ALDH9A1: variants seen among roughly 807,000 people sequenced by gnomAD.
The protein encoded by ALDH9A1 is aldehyde dehydrogenase 9 family member A1.
A neutral mutation model predicts 56.6 loss-of-function variants in ALDH9A1; 42 were observed. The ratio of observed to expected loss-of-function variants is 0.74; its 90% confidence interval spans 0.58 to 0.96. ALDH9A1 has a LOEUF of 0.96. Among genes scored for constraint, ALDH9A1 ranks in the 40% least tolerant of loss-of-function variants. The probability of loss-of-function intolerance (pLI) is 0.00; values close to 1 mark genes in which losing one functional copy is unlikely to be tolerated. For synonymous variants in ALDH9A1, 242 were observed against 236.0 expected, an observed-to-expected ratio of 1.03 and a Z score of -0.23; for missense variants, 661 against 651.5, an observed-to-expected ratio of 1.01 and a Z score of -0.16.
intron 2 of ALDH9A1, among the ~76,000 whole-genome samples, chr1:165,693,915 G>A (rs1470216743): frequency 1.3e-5 from 2 of 152,096 alleles, no homozygotes; most frequent in African/African-American, 4.8e-5. Flanking sequence ...GTCCTTTGCA[G>A]GGACATGGAT....
At chr1:165,664,046 C>T (rs775798250) in intron 10 of ALDH9A1, among the ~76,000 whole-genome samples, 35 of 152,174 alleles carry the variant, frequency 2.3e-4, no homozygotes, top group Non-Finnish European at 4.8e-4. Flanking sequence ...AGAAACTTAA[C>T]ATGTAATGTT....
At chr1:165,677,069 A>T (rs922335453) in intron 6 of ALDH9A1, among the ~76,000 whole-genome samples, 1 of 152,118 alleles carries the variant, frequency 6.6e-6, no homozygotes, top group Non-Finnish European at 1.5e-5. Context: ...CATAAAAAAA[A>T]GTTTACAAAA....
rs1233650403 is a variant in ALDH9A1, at chr1:165,663,048, T to C, written c.*2A>G. ...CATGTCAATAGGTTTCACTGCAGGTTTTCAAAAAGCAGATTCCACATCACC... is the reference window on the plus strand; with the variant it reads ...CATGTCAATAGGTTTCACTGCAGGTCTTCAAAAAGCAGATTCCACATCACC... On this transcript the variant is annotated 3_prime_UTR_variant, in exon 11 of 11. Transcript: ENST00000354775. 1 of 1,613,778 alleles carries C rather than the reference T, an allele frequency of 6.2e-7. No individual in the cohort carries two copies. Among genetic ancestry groups the C allele is most frequent in the Non-Finnish European group, 8.5e-7 (1 of 1,179,722 alleles).
At position 165,698,369 on chromosome 1, in the gene ALDH9A1, T is replaced by G. The variant is rs758534143; in HGVS notation, c.181+9A>C. 15 of 1,586,900 alleles carry G rather than the reference T, an allele frequency of 9.5e-6. No individual in the cohort carries two copies. In the Admixed American group the frequency reaches 2.1e-4, roughly 22 times the overall value. ...GGGCGCCCCAGCCTCCCCGGCTCGT[T>G]GCAGTTACCGGTTGCTGGCTCGAAA... On this transcript the variant is annotated intron_variant, in intron 1 of 10. Transcript: ENST00000354775.
At chr1:165,675,853 T>C (rs1457464162) in intron 6 of ALDH9A1, among the ~76,000 whole-genome samples, 1 of 152,170 alleles carries the variant, frequency 6.6e-6, no homozygotes, top group African/African-American at 2.4e-5. Context: ...TAAAAACAAC[T>C]GTAAAAAAAT....
intron 6 of ALDH9A1, among the ~76,000 whole-genome samples, chr1:165,673,840 G>C (rs1333974827): frequency 2.0e-5 from 3 of 152,106 alleles, no homozygotes; most frequent in East Asian, 1.9e-4. Context: ...GTTTGAACTA[G>C]AGCAACTTCA....
chr1:165,663,362 G>A (rs150122441), intron 10 of ALDH9A1, among the ~76,000 whole-genome samples: 2 of 152,314 alleles, frequency 1.3e-5, no homozygotes, highest in African/African-American at 4.8e-5. Flanking sequence ...GAAATATACA[G>A]ATCTTGTTTC....
intron 1 of ALDH9A1, among the ~76,000 whole-genome samples, chr1:165,696,968 C>A (rs1477588664): frequency 6.6e-6 from 1 of 152,210 alleles, no homozygotes; most frequent in Non-Finnish European, 1.5e-5. Flanking sequence ...AGTCACTGCT[C>A]TGTGGTTTAG....
rs147635915 is a variant in ALDH9A1, at chr1:165,679,522, G to A, written c.850C>T (p.Pro284Ser). 6 of 1,614,144 alleles carry A rather than the reference G, an allele frequency of 3.7e-6. No homozygotes were observed. The highest frequency in any genetic ancestry group is 5.1e-6 in the Non-Finnish European group (6 of 1,180,024). Reference protein sequence around the residue: ...PVTLELGGKSPLIIFSDCDMN... With the variant: ...PVTLELGGKSSLIIFSDCDMN... ...TCACAGTCTGAGAAGATGATGAGTG[G>A]AGATTTGCCTCCAAGTTCCAAGGTA... Residue 284 changes from proline to serine, a missense_variant, in exon 6 of 11, where the codon CCA (proline) becomes TCA (serine). Coordinates refer to ENST00000354775, the MANE Select transcript of ALDH9A1 (RefSeq NM_000696.4).
chr1:165,698,113 G>C, intron 1 of ALDH9A1: 1 of 799,846 alleles, frequency 1.3e-6, no homozygotes, highest in Non-Finnish European at 1.7e-6. Context: ...CCAGTACTTT[G>C]CGAACTCTGT....
At chr1:165,671,231 CT>C in intron 6 of ALDH9A1, 1 of 209,678 alleles carries the variant, frequency 4.8e-6, no homozygotes, top group Non-Finnish European at 9.9e-6. Context: ...AAGAATGTTC[CT>C]TTTGCTGCCT....
intron 10 of ALDH9A1, among the ~76,000 whole-genome samples, chr1:165,664,183 G>A (rs1648933976): frequency 6.6e-6 from 1 of 152,026 alleles, no homozygotes; most frequent in African/African-American, 2.4e-5. Flanking sequence ...TCTCATCAGT[G>A]TTCATCAGAG....
intron 6 of ALDH9A1, among the ~76,000 whole-genome samples, chr1:165,670,639 C>A (rs1016497227): frequency 6.6e-5 from 10 of 152,070 alleles, no homozygotes; most frequent in Admixed American, 5.2e-4. Context: ...GCAACATTTA[C>A]CTCAGATAAA....
chr1:165,672,241 A>C (rs778650146), intron 6 of ALDH9A1, among the ~76,000 whole-genome samples: 9 of 152,164 alleles, frequency 5.9e-5, no homozygotes, highest in Non-Finnish European at 8.8e-5. Context: ...AAAAATGGAT[A>C]AACAAAATGT....
intron 2 of ALDH9A1, among the ~76,000 whole-genome samples, chr1:165,684,594 C>T (rs1282969562): frequency 6.6e-6 from 1 of 152,158 alleles, no homozygotes; most frequent in African/African-American, 2.4e-5. Flanking sequence ...AAGGTATAAT[C>T]AACCATAAGT....
intron 2 of ALDH9A1, among the ~76,000 whole-genome samples, chr1:165,686,394 G>A (rs1159956849): frequency 1.3e-5 from 2 of 152,056 alleles, no homozygotes; most frequent in Non-Finnish European, 2.9e-5. Flanking sequence ...ACTGAGTGTG[G>A]AAGGGAAAAG....
intron 7 of ALDH9A1, 120 bp downstream of exon 7, chr1:165,669,142 G>T (rs957019178): frequency 3.1e-6 from 4 of 1,307,354 alleles, no homozygotes; most frequent in Non-Finnish European, 4.3e-6. Flanking sequence ...CACAGCCAGG[G>T]ATGCTAATAG....
intron 7 of ALDH9A1, 30 bp from the exon 8 acceptor site, chr1:165,669,043 T>C: frequency 1.9e-6 from 3 of 1,549,462 alleles, no homozygotes. Context: ...ATATGTTGTA[T>C]TAAAAATATA....
At chr1:165,671,057 C>T (rs910301382) in intron 6 of ALDH9A1, among the ~76,000 whole-genome samples, 5 of 152,166 alleles carry the variant, frequency 3.3e-5, no homozygotes, top group South Asian at 2.1e-4. Flanking sequence ...GGCGACAGAG[C>T]GAGACTCCGT....
Sources: gnomAD v4.1 joint callset for allele counts (sites outside exome capture counted in the v4.1 genomes callset) on GRCh38, gnomAD v4.1.1 for gene constraint, MANE v1.5 for transcripts, NCBI Gene and HGNC (gene_info 2026-07-23, HGNC 2026-07-21) for gene names.